The following CYP3A4 variants were observed in gnomAD, a reference collection of about 807,000 sequenced individuals.
The protein encoded by CYP3A4 is cytochrome P450 family 3 subfamily A member 4.
A neutral mutation model predicts 54.9 loss-of-function variants in CYP3A4; 41 were observed. The observed-to-expected ratio is 0.75, with a 90% CI of 0.58 to 0.97. The LOEUF (loss-of-function observed/expected upper bound fraction) is 0.97, where lower values mean the gene tolerates loss of function less well. CYP3A4 is among the 50% of genes least tolerant of loss of function. CYP3A4 has a pLI of 0.00. For synonymous variants in CYP3A4, 179 were observed against 205.2 expected (o/e 0.87, Z 1.09); for missense variants, 510 against 597.3 (o/e 0.85, Z 1.52).
intron 1 of CYP3A4, among the ~76,000 whole-genome samples, 188 bp downstream of exon 1, chr7:99,783,823 G>T (rs1305889839): frequency 6.6e-6 from 1 of 152,062 alleles, no homozygotes; most frequent in Admixed American, 6.6e-5. Context: ...TAGCCAGGCT[G>T]GTCTTGAACT....
intron 2 of CYP3A4, among the ~76,000 whole-genome samples, chr7:99,779,323 A>T (rs2687105): frequency 0.79 from 120,334 of 152,034 alleles, 53,162 homozygotes; most frequent in East Asian, 1. Context: ...CTGTGATCAG[A>T]CTCACCCATA....
At chr7:99,761,605 C>A (rs1282830796) in intron 11 of CYP3A4, among the ~76,000 whole-genome samples, 1 of 152,120 alleles carries the variant, frequency 6.6e-6, no homozygotes, top group Non-Finnish European at 1.5e-5. Flanking sequence ...AGTATCATCA[C>A]TGCTTTCTTT....
chr7:99,775,281 G>T (rs1284543781), intron 3 of CYP3A4, among the ~76,000 whole-genome samples: 3 of 152,098 alleles, frequency 2.0e-5, no homozygotes, highest in African/African-American at 7.2e-5. Flanking sequence ...GTAATTTATA[G>T]ATTCAATGCT....
At chr7:99,769,709 G>A in intron 6 of CYP3A4, 59 bp downstream of exon 6, 5 of 1,600,324 alleles carry the variant, frequency 3.1e-6, no homozygotes, top group East Asian at 4.5e-5. Flanking sequence ...TCAGCTCCAT[G>A]GCAGGCAGCT....
At chr7:99,773,374 C>G (rs1198155740) in intron 3 of CYP3A4, among the ~76,000 whole-genome samples, 1 of 152,160 alleles carries the variant, frequency 6.6e-6, no homozygotes, top group African/African-American at 2.4e-5. Context: ...AATCTCCACC[C>G]CAAATTAACA....
chr7:99,777,908 T>G (rs771258659), intron 3 of CYP3A4, 120 bp downstream of exon 3: 22 of 782,374 alleles, frequency 2.8e-5, no homozygotes, highest in Non-Finnish European at 4.4e-5. Context: ...TCTCTCTGTT[T>G]GTAGTTAGGT....
At position 99,760,887 on chromosome 7, in the gene CYP3A4, T is replaced by C. The variant is rs765292949; in HGVS notation, c.1348A>G (p.Met450Val). The change falls in exon 12 of 13, where the codon ATG (methionine) becomes GTG (valine). Residue 450 changes from methionine (M) to valine (V), a missense_variant. Met to Val is a conservative substitution (Grantham distance 21). Around this residue, in one of 2 missense-constraint regions of CYP3A4, gnomAD observed 238 missense variants for 322.5 expected, o/e 0.74. Coordinates refer to ENST00000651514, the MANE Select transcript of CYP3A4 (RefSeq NM_017460.6). ...CTGATTAGAGCAAGTTTCATGTTCA[T>C]GAGAGCAAACCTCATGCCAATGCAG... ...RNCIGMRFAL[M>V]NMKLALIRVL... The C allele has an allele frequency of 1.2e-5, 20 of 1,613,972 alleles. No individual in the cohort carries two copies. The highest frequency in any genetic ancestry group is 1.2e-4 in the Admixed American group (7 of 60,012).
At chr7:99,775,788 G>A (rs566091901) in intron 3 of CYP3A4, among the ~76,000 whole-genome samples, 5 of 151,888 alleles carry the variant, frequency 3.3e-5, no homozygotes, top group Non-Finnish European at 5.9e-5. Flanking sequence ...ATGGGCAAAG[G>A]CTTCATAAAT....
intron 12 of CYP3A4, among the ~76,000 whole-genome samples, chr7:99,760,605 A>C (rs1279914229): frequency 6.6e-6 from 1 of 152,246 alleles, no homozygotes; most frequent in African/African-American, 2.4e-5. Flanking sequence ...ATGCCATGCT[A>C]ATCTACATGG....
At chr7:99,764,198 T>A (rs1368886097) in intron 9 of CYP3A4, among the ~76,000 whole-genome samples, 183 bp from the exon 10 acceptor site, 2 of 152,036 alleles carry the variant, frequency 1.3e-5, no homozygotes, top group African/African-American at 2.4e-5. Context: ...ATAAGGCAAA[T>A]CATTTTAATC....
chr7:99,769,730 A>G (rs778004930), intron 6 of CYP3A4, 38 bp downstream of exon 6: 2 of 1,611,248 alleles, frequency 1.2e-6, no homozygotes, highest in Non-Finnish European at 1.7e-6. Context: ...GGAGGGGTTC[A>G]TGACAGCTCA....
intron 9 of CYP3A4, among the ~76,000 whole-genome samples, chr7:99,765,339 TAAA>T (rs2151556597): frequency 6.6e-6 from 1 of 152,276 alleles, no homozygotes; most frequent in South Asian, 2.1e-4. Context: ...TATGAAACAG[TAAA>T]ACAATAGACT....
chr7:99,768,357 T>G lies in CYP3A4; in HGVS notation c.667A>C (p.Ile223Leu), dbSNP rs750958612. The G allele has an allele frequency of 6.2e-7, 1 of 1,613,468 alleles. No individual in the cohort carries two copies. The highest frequency in any genetic ancestry group is 1.3e-5 in the African/African-American group (1 of 74,900). Reference protein sequence around the residue: ...FDFLDPFFLSITVFPFLIPIL... With the variant: ...FDFLDPFFLSLTVFPFLIPIL... ...AAGGAAATAGTAGTCCACATACTTATTGAGAGAAAGAATGGATCCAAAAAA... is the reference window on the plus strand; with the variant it reads ...AAGGAAATAGTAGTCCACATACTTAGTGAGAGAAAGAATGGATCCAAAAAA... The change falls in exon 7 of 13, where the codon ATA becomes CTA. Residue 223 changes from isoleucine (I) to leucine (L), a missense_variant. This residue lies in a region of CYP3A4 where 272 missense variants were observed against 274.9 expected (regional missense o/e 0.99). Coordinates refer to ENST00000651514, the MANE Select transcript of CYP3A4 (RefSeq NM_017460.6).
At position 99,784,048 on chromosome 7, in the gene CYP3A4, A is replaced by G; in HGVS notation, c.34T>C (p.Trp12Arg). 6.2e-7 allele frequency: 1 copy of G among 1,614,102 alleles called. No homozygotes were observed. The change falls in exon 1 of 13, where the codon TGG (tryptophan) becomes CGG (arginine). Residue 12 changes from tryptophan to arginine, a missense_variant. Transcript: ENST00000651514. ...ALIPDLAMETWLLLAVSLVLL... is the reference protein window; with the variant it reads ...ALIPDLAMETRLLLAVSLVLL... ...ACCAGGCTGACAGCCAGGAGAAGCC[A>G]GGTTTCCATGGCCAAGTCTGGGATG... is the stretch of plus-strand genomic sequence containing the variant.
In CYP3A4 at chr7:99,760,933, G is replaced by A; in HGVS notation, c.1302C>T (p.Pro434=). The A allele has an allele frequency of 3.1e-6, 5 of 1,614,098 alleles. No individual in the cohort carries two copies. The highest frequency in any genetic ancestry group is 4.2e-6 in the Non-Finnish European group (5 of 1,179,972). The change falls in exon 12 of 13, where the codon CCC becomes CCT. Residue 434 remains proline, a synonymous_variant. Coordinates refer to ENST00000651514, the MANE Select transcript of CYP3A4 (RefSeq NM_017460.6). ...KDNIDPYIYT[P]FGSGPRNCIG... is the part of the protein sequence containing the mutation. ...TGCAGTTTCTGGGTCCACTTCCAAA[G>A]GGTGTGTATATGTAAGGATCTATGT...
chr7:99,782,069 C>G (rs1815939698), intron 1 of CYP3A4, among the ~76,000 whole-genome samples: 1 of 152,228 alleles, frequency 6.6e-6, no homozygotes, highest in Admixed American at 6.5e-5. Context: ...CACCATCTAC[C>G]AAAACCAGGG....
intron 10 of CYP3A4, among the ~76,000 whole-genome samples, chr7:99,763,502 T>C (rs567480480): frequency 6.0e-4 from 92 of 152,350 alleles, no homozygotes; most frequent in Non-Finnish European, 1.2e-3. Flanking sequence ...CACACCACTA[T>C]GGTGCCTGCT....
At chr7:99,781,354 G>C (rs1297378321) in intron 1 of CYP3A4, among the ~76,000 whole-genome samples, 1 of 152,166 alleles carries the variant, frequency 6.6e-6, no homozygotes, top group Non-Finnish European at 1.5e-5. Flanking sequence ...TGCAAGAAAA[G>C]ACTAACATAG....
intron 1 of CYP3A4, 85 bp from the exon 2 acceptor site, chr7:99,780,170 A>G: frequency 7.4e-7 from 1 of 1,357,524 alleles, no homozygotes; most frequent in Non-Finnish European, 1.0e-6. Flanking sequence ...AGGAACTGGA[A>G]TGCTCAAGAG....
Sources: gnomAD v4.1 joint callset for allele counts (sites outside exome capture counted in the v4.1 genomes callset) on GRCh38, gnomAD v4.1.1 for gene constraint, gnomAD v4.1.1 regional missense constraint, MANE v1.5 for transcripts, NCBI Gene and HGNC (gene_info 2026-07-23, HGNC 2026-07-21) for gene names.